The following COPS4 variants were observed in gnomAD, a reference collection of about 807,000 sequenced individuals.
COPS4 encodes COP9 signalosome complex subunit 4.
In COPS4, 8 loss-of-function variants were observed where a neutral mutation model predicts 55.1. The observed-to-expected ratio is 0.15, with a 90% CI of 0.09 to 0.26. COPS4 has a LOEUF of 0.26. COPS4 is among the 10% of genes least tolerant of loss of function. The pLI, the probability that COPS4 is intolerant of heterozygous loss-of-function variation, is 1.00. For synonymous variants in COPS4, 185 were observed against 165.7 expected (o/e 1.12, Z -0.90); for missense variants, 248 against 484.0 (o/e 0.51, Z 4.58).
At chr4:83,068,798 T>C (rs1213980948) in intron 9 of COPS4, among the ~76,000 whole-genome samples, 4 of 152,064 alleles carry the variant, frequency 2.6e-5, no homozygotes, top group Admixed American at 2.6e-4. Context: ...GGTGAAACCC[T>C]GCCTCTACTA....
rs760110688 is a variant in COPS4 at position 83,064,799 on chromosome 4, A to G, written c.886+1553A>G. ...AGTCTTGAACTCCTGGCCTCAAAGA[A>G]TCTTCCCACCTCAGCCTTCCAGAGC... On this transcript the variant is annotated intron_variant, in intron 7 of 9. Coordinates refer to ENST00000264389, the MANE Select transcript of COPS4 (RefSeq NM_016129.3). Among the ~76,000 whole-genome samples the G allele has an allele frequency of 3.8e-4, 56 of 147,366 alleles. 1 individual carries two copies. The highest frequency in any genetic ancestry group is 1.3e-4 in the Admixed American group (2 of 14,878).
chr4:83,047,043 T>C (rs1416327478), intron 2 of COPS4, among the ~76,000 whole-genome samples: 1 of 152,206 alleles, frequency 6.6e-6, no homozygotes, highest in Admixed American at 6.5e-5. Flanking sequence ...TGAATTCCAA[T>C]TAATATGTGA....
chr4:83,052,561 T>C (rs1231950784), intron 4 of COPS4, among the ~76,000 whole-genome samples: 1 of 152,118 alleles, frequency 6.6e-6, no homozygotes, highest in Admixed American at 6.6e-5. Context: ...GATATAGTGG[T>C]GGAATTTGTG....
chr4:83,048,633 T>A (rs1040812412), intron 2 of COPS4, among the ~76,000 whole-genome samples: 9 of 152,166 alleles, frequency 5.9e-5, no homozygotes, highest in East Asian at 1.9e-4. Flanking sequence ...TAAGATTTTT[T>A]AATTAATTAA....
At chr4:83,061,599 T>C (rs1235464129) in intron 6 of COPS4, among the ~76,000 whole-genome samples, 1 of 152,252 alleles carries the variant, frequency 6.6e-6, no homozygotes, top group African/African-American at 2.4e-5. Flanking sequence ...AGAACTGCTA[T>C]GAACATTCTT....
intron 6 of COPS4, among the ~76,000 whole-genome samples, chr4:83,059,259 AATTAC>A (rs1222621387): frequency 1.3e-5 from 2 of 152,014 alleles, no homozygotes; most frequent in East Asian, 1.9e-4. Context: ...GTGTTTACTT[AATTAC>A]ATTTATTAAT....
intron 6 of COPS4, among the ~76,000 whole-genome samples, chr4:83,061,843 C>T (rs1731170627): frequency 6.6e-6 from 1 of 152,078 alleles, no homozygotes; most frequent in South Asian, 2.1e-4. Flanking sequence ...TGGCCAGTTA[C>T]GTCTTTTTGA....
intron 6 of COPS4, 91 bp downstream of exon 6, chr4:83,057,499 A>C: frequency 1.0e-6 from 1 of 995,740 alleles, no homozygotes. Context: ...GCAAGGAACT[A>C]TTCTTCAAAA....
At chr4:83,035,680 C>G (rs978401586) in intron 1 of COPS4, 1 of 179,198 alleles carries the variant, frequency 5.6e-6, no homozygotes, top group African/African-American at 2.4e-5. Flanking sequence ...GGACCTTCCT[C>G]CTCTTTTTTT....
At chr4:83,070,680 A>C (rs1196592489) in intron 9 of COPS4, among the ~76,000 whole-genome samples, 1 of 152,138 alleles carries the variant, frequency 6.6e-6, no homozygotes, top group Non-Finnish European at 1.5e-5. Context: ...AGGTGTTGAG[A>C]AATAACCTCT....
chr4:83,037,926 G>GT (rs1730468663), intron 1 of COPS4, among the ~76,000 whole-genome samples: 1 of 152,110 alleles, frequency 6.6e-6, no homozygotes, highest in African/African-American at 2.4e-5. Flanking sequence ...GACTATGCTC[G>GT]TTTTCTTGTT....
At chr4:83,045,048 A>ATCAG (rs893119164) in intron 1 of COPS4, among the ~76,000 whole-genome samples, 1 of 152,234 alleles carries the variant, frequency 6.6e-6, no homozygotes, top group Non-Finnish European at 1.5e-5. Context: ...ATGGTATTCT[A>ATCAG]TCAGTGCATT....
intron 2 of COPS4, 102 bp downstream of exon 2, chr4:83,045,807 C>T: frequency 3.1e-6 from 2 of 649,904 alleles, no homozygotes; most frequent in South Asian, 2.0e-5. Flanking sequence ...ATTAAATATG[C>T]ATTGAGATTG....
intron 2 of COPS4, among the ~76,000 whole-genome samples, chr4:83,047,827 T>C (rs1309675730): frequency 2.0e-5 from 3 of 151,914 alleles, no homozygotes; most frequent in African/African-American, 4.8e-5. Flanking sequence ...GGTGAAACCC[T>C]ATCTCTACTA....
At chr4:83,064,925 T>G (rs1341611741) in intron 7 of COPS4, 4 of 257,800 alleles carry the variant, frequency 1.6e-5, no homozygotes, top group Non-Finnish European at 2.9e-5. Flanking sequence ...GGTCTCACTC[T>G]TTTGCCCAGG....
At chr4:83,069,003 A>G (rs1182479301) in intron 9 of COPS4, among the ~76,000 whole-genome samples, 1 of 151,886 alleles carries the variant, frequency 6.6e-6, no homozygotes, top group Non-Finnish European at 1.5e-5. Context: ...TCATGAATCT[A>G]CTTACTGCAG....
intron 3 of COPS4, 118 bp from the exon 4 acceptor site, chr4:83,049,763 T>G: frequency 1.6e-6 from 1 of 637,606 alleles, no homozygotes; most frequent in Non-Finnish European, 2.7e-6. Flanking sequence ...GATAAACGTT[T>G]ACTGTTTACG....
In COPS4 at chr4:83,066,448, C is replaced by T. The variant is rs137903901; in HGVS notation, c.897C>T (p.Ile299=). 4.3e-5 allele frequency: 66 copies of T among 1,550,740 alleles called. No homozygotes were observed. The highest frequency in any genetic ancestry group is 1.1e-4 in the Admixed American group (6 of 54,306). Residue 299 remains isoleucine, a synonymous_variant, in exon 8 of 10, where the codon ATC becomes ATT. Coordinates refer to ENST00000264389, the MANE Select transcript of COPS4 (RefSeq NM_016129.3). ...QKATTADGSS[I]LDRAVIEHNL... ...TTATTTATGTTTAAGGTTCCAGCAT[C>T]TTGGACAGAGCTGTTATTGAACACA...
chr4:83,050,471 A>AT (rs1730864732), intron 4 of COPS4, among the ~76,000 whole-genome samples: 1 of 151,748 alleles, frequency 6.6e-6, no homozygotes, highest in Admixed American at 6.6e-5. Flanking sequence ...CTATTTTTGT[A>AT]TTTTTACTAG....
Sources: allele counts gnomAD v4.1 joint callset (sites outside exome capture counted in the v4.1 genomes callset), GRCh38; gene constraint gnomAD v4.1.1; transcripts MANE v1.5; gene names NCBI Gene and HGNC (gene_info 2026-07-23, HGNC 2026-07-21).